The following ZFHX3 variants were observed in gnomAD, a reference collection of about 807,000 sequenced individuals.
ZFHX3 encodes zinc finger homeobox 3.
ZFHX3 carries 42 observed loss-of-function variants against 279.1 expected under a neutral mutation model. That is an observed-to-expected ratio of 0.15 (90% CI 0.12 to 0.19). The LOEUF (loss-of-function observed/expected upper bound fraction) is 0.19. ZFHX3 is among the 10% of genes least tolerant of loss of function. ZFHX3 has a pLI of 1.00. For missense variants in ZFHX3, 4,981 were observed against 4,754.0 expected (o/e 1.05, Z -1.40); for synonymous variants, 2,293 against 1,957.8 (o/e 1.17, Z -4.52).
intron 1 of ZFHX3, among the ~76,000 whole-genome samples, chr16:73,791,471 C>T (rs1467521410): frequency 6.6e-6 from 1 of 152,038 alleles, no homozygotes; most frequent in Non-Finnish European, 1.5e-5. Flanking sequence ...TGTTGCCAGG[C>T]CGGAGTGCAG....
chr16:73,882,145 T>A (rs949839588), intron 1 of ZFHX3, among the ~76,000 whole-genome samples: 1 of 152,154 alleles, frequency 6.6e-6, no homozygotes, highest in Non-Finnish European at 1.5e-5. Context: ...CCCCCCAAAC[T>A]GATCAATAAT....
chr16:72,787,726 C>CCGT lies in ZFHX3; in HGVS notation c.10549_10550insACG (p.Gly3516_Gly3517insAsp), dbSNP rs763001390. 189 of 1,398,242 alleles carry CCGT rather than the reference C, an allele frequency of 1.4e-4. No homozygotes were observed. Among genetic ancestry groups the CCGT allele is most frequent in the Admixed American group, 2.0e-4 (8 of 40,516 alleles). 86.6% of individuals were successfully genotyped at this position (1,398,242 alleles called of 1,614,324 possible). A position where few individuals can be genotyped will look rare whatever the true frequency, so the allele number is the denominator to read the frequency against. On this transcript the variant is annotated inframe_insertion, in exon 10 of 10. Transcript: ENST00000268489. ...GCCGCCGCCGCCGCCGCCACCGCCG[C>CCGT]CGCCGCCGCCACTGCCACCGCCGCC... is the stretch of plus-strand genomic sequence containing the variant.
intron 1 of ZFHX3, among the ~76,000 whole-genome samples, chr16:73,776,830 C>G (rs924896618): frequency 6.6e-6 from 1 of 152,136 alleles, no homozygotes; most frequent in African/African-American, 2.4e-5. Context: ...CCGCCTGAAC[C>G]GTTCGCACTT....
At chr16:72,909,713 C>CA (rs377581728) in intron 3 of ZFHX3, among the ~76,000 whole-genome samples, 41 of 151,394 alleles carry the variant, frequency 2.7e-4, no homozygotes, top group South Asian at 8.4e-4. Flanking sequence ...CCTGTTTCTA[C>CA]AAAAAAATAC....
chr16:73,645,846 T>C (rs2052613653), intron 2 of ZFHX3, among the ~76,000 whole-genome samples: 1 of 152,222 alleles, frequency 6.6e-6, no homozygotes, highest in Non-Finnish European at 1.5e-5. Flanking sequence ...TGATTTCATT[T>C]CTTTCTTTCT....
intron 7 of ZFHX3, among the ~76,000 whole-genome samples, chr16:73,117,932 C>T (rs748752678): frequency 3.3e-5 from 5 of 152,240 alleles, no homozygotes; most frequent in Non-Finnish European, 7.3e-5. Flanking sequence ...TCTTGGACTT[C>T]CCAGCCTCCA....
chr16:73,818,640 C>T (rs995848992), intron 1 of ZFHX3, among the ~76,000 whole-genome samples: 22 of 152,190 alleles, frequency 1.4e-4, no homozygotes, highest in Non-Finnish European at 2.9e-4. Context: ...TATCTGGGGT[C>T]CCTGCTGATG....
chr16:73,850,251 C>A (rs1189548959), intron 1 of ZFHX3, among the ~76,000 whole-genome samples: 1 of 152,148 alleles, frequency 6.6e-6, no homozygotes, highest in Non-Finnish European at 1.5e-5. Flanking sequence ...TGCTGTTGGG[C>A]AGGTTGGTTA....
intron 3 of ZFHX3, among the ~76,000 whole-genome samples, chr16:73,425,277 G>A (rs563655908): frequency 1.9e-4 from 29 of 152,222 alleles, no homozygotes; most frequent in African/African-American, 6.7e-4. Context: ...CTTGGGATGC[G>A]TGCTGATGCT....
At chr16:72,855,526 G>C (rs1036202156) in intron 4 of ZFHX3, among the ~76,000 whole-genome samples, 2 of 152,354 alleles carry the variant, frequency 1.3e-5, no homozygotes, top group African/African-American at 2.4e-5. Context: ...TGCAGAGACA[G>C]AGGAACGAAA....
At chr16:73,421,858 C>A (rs569614030) in intron 3 of ZFHX3, among the ~76,000 whole-genome samples, 1 of 152,106 alleles carries the variant, frequency 6.6e-6, no homozygotes, top group Non-Finnish European at 1.5e-5. Flanking sequence ...AAAGCCCTGC[C>A]TTGACTTATA....
chr16:73,070,930 G>GCA (rs1485032454), intron 8 of ZFHX3, among the ~76,000 whole-genome samples: 2 of 26,938 alleles, frequency 7.4e-5, no homozygotes, highest in African/African-American at 1.8e-4. Flanking sequence ...GCGCGCGCGC[G>GCA]CGCGCGCGCA....
At chr16:72,907,847 C>T (rs186838875) in intron 3 of ZFHX3, among the ~76,000 whole-genome samples, 24 of 152,000 alleles carry the variant, frequency 1.6e-4, no homozygotes, top group Admixed American at 1.4e-3. Flanking sequence ...CCATGCCCAG[C>T]TAATTTTTGT....
chr16:73,728,023 C>A lies in ZFHX3; in HGVS notation c.-1607-47783G>T, dbSNP rs137882342. Among the ~76,000 whole-genome samples the A allele has an allele frequency of 2.6e-3, 280 of 109,240 alleles. 1 individual carries two copies. Among genetic ancestry groups the A allele is most frequent in the African/African-American group, 8.9e-3 (268 of 30,044 alleles). The allele number at this position is 109,240 out of a possible 152,430, so 71.7% of individuals were successfully genotyped here. On this transcript the variant is annotated intron_variant, in intron 1 of 17. Coordinates refer to the ZFHX3 transcript ENST00000641206. ...TTTATGAGCCGAATTGTGCCCCCCC[C>A]CCGCCCCCAATAATTCATATGTTGA...
Position 72,797,066 on chromosome 16 carries a change from C to G in ZFHX3, c.5616G>C (p.Gln1872His), listed in dbSNP as rs771905941. Residue 1872 changes from glutamine to histidine, a missense_variant, in exon 9 of 10, where the codon CAG (glutamine) becomes CAC (histidine). Gln to His is a conservative substitution (Grantham distance 24, BLOSUM62 0). Around this residue, in one of 7 missense-constraint regions of ZFHX3, gnomAD observed 1,751 missense variants for 1,770.0 expected, o/e 0.99. Transcript: ENST00000268489. The part of the protein sequence containing the change: ...QSHSALLQPS[Q>H]HPEKKNKLVI... ...CCAATTTGTTCTTCTTTTCGGGGTG[C>G]TGGCTTGGCTGAAGGAGGGCAGAGT... 2.5e-6 allele frequency: 4 copies of G among 1,613,960 alleles called. No homozygotes were observed. The highest frequency in any genetic ancestry group is 3.4e-6 in the Non-Finnish European group (4 of 1,180,006).
At chr16:73,758,532 G>A (rs140857294) in intron 1 of ZFHX3, among the ~76,000 whole-genome samples, 56 of 152,290 alleles carry the variant, frequency 3.7e-4, no homozygotes, top group African/African-American at 1.2e-3. Context: ...ACATGGACAC[G>A]GCCTTCGTGG....
At chr16:73,094,122 C>A (rs1183770106) in intron 7 of ZFHX3, among the ~76,000 whole-genome samples, 2 of 152,180 alleles carry the variant, frequency 1.3e-5, no homozygotes, top group Non-Finnish European at 2.9e-5. Flanking sequence ...TCTTATAGCC[C>A]AGGTAGGCAA....
intron 7 of ZFHX3, among the ~76,000 whole-genome samples, chr16:73,099,781 G>T (rs1230541108): frequency 1.3e-5 from 2 of 152,058 alleles, no homozygotes; most frequent in African/African-American, 4.8e-5. Context: ...AACAGACGTG[G>T]GGTGGGAAGG....
chr16:73,057,274 GCAAC>G (rs991095312), intron 1 of ZFHX3, among the ~76,000 whole-genome samples: 2 of 152,218 alleles, frequency 1.3e-5, no homozygotes, highest in African/African-American at 4.8e-5. Context: ...CAGATTCTGA[GCAAC>G]AGCTTCACTC....
Sources: allele counts gnomAD v4.1 joint callset (sites outside exome capture counted in the v4.1 genomes callset), GRCh38; gene constraint gnomAD v4.1.1; regional missense constraint gnomAD v4.1.1; transcripts MANE v1.5; gene names NCBI Gene and HGNC (gene_info 2026-07-23, HGNC 2026-07-21).